Variants in TEX26 observed in about 807,000 individuals in gnomAD.
The protein encoded by TEX26 is testis-expressed protein 26.
TEX26 carries 34 observed loss-of-function variants against 35.3 expected under a neutral mutation model. The ratio of observed to expected loss-of-function variants is 0.96; its 90% CI spans 0.73 to 1.28. TEX26 has a LOEUF of 1.28. Ranked by LOEUF, TEX26 falls within the 50% of genes most tolerant of loss-of-function variation. The pLI is 0.00. For missense variants in TEX26, 371 were observed against 330.1 expected (o/e 1.12, Z -0.96); for synonymous variants, 136 against 111.8 (o/e 1.22, Z -1.36).
intron 3 of TEX26, among the ~76,000 whole-genome samples, chr13:30,954,854 G>T (rs964061663): frequency 2.0e-5 from 3 of 152,060 alleles, no homozygotes; most frequent in African/African-American, 7.3e-5. Context: ...ACAAACACAC[G>T]ACCATATAAT....
At chr13:30,972,118 T>C (rs756213318) in intron 6 of TEX26, among the ~76,000 whole-genome samples, 2 of 152,128 alleles carry the variant, frequency 1.3e-5, no homozygotes, top group African/African-American at 2.4e-5. Flanking sequence ...TCGGGTACAG[T>C]AGCAGTCTGT....
chr13:30,953,023 A>T (rs1036097184), intron 3 of TEX26, among the ~76,000 whole-genome samples, 198 bp downstream of exon 3: 2 of 152,070 alleles, frequency 1.3e-5, no homozygotes, highest in Admixed American at 1.3e-4. Flanking sequence ...AGTTTTTTTT[A>T]AAAAAGGACT....
rs375095153 is a variant in TEX26 at position 30,940,536 on chromosome 13, T to C, written c.146+758T>C. Among the ~76,000 whole-genome samples the C allele has an allele frequency of 6.9e-3, 1,046 of 151,900 alleles. 8 individuals carry two copies. Among genetic ancestry groups the C allele is most frequent in the Non-Finnish European group, 8.3e-3 (567 of 67,924 alleles). Reference sequence around the variant, plus strand: ...TTTTAGTAGAGAGAGGGTTTCACTGTGTTAGCCAGGACGGTCTTGATCTCC... The same window carrying C: ...TTTTAGTAGAGAGAGGGTTTCACTGCGTTAGCCAGGACGGTCTTGATCTCC... On this transcript the variant is annotated intron_variant, in intron 2 of 6. Coordinates refer to ENST00000380473, the MANE Select transcript of TEX26 (RefSeq NM_152325.3).
chr13:30,958,415 C>T (rs1954217479), intron 4 of TEX26, among the ~76,000 whole-genome samples: 1 of 152,194 alleles, frequency 6.6e-6, no homozygotes, highest in African/African-American at 2.4e-5. Flanking sequence ...TGGCTCTAAG[C>T]CCTGTGACAC....
At chr13:30,953,036 T>C (rs1460738287) in intron 3 of TEX26, among the ~76,000 whole-genome samples, 1 of 152,210 alleles carries the variant, frequency 6.6e-6, no homozygotes, top group Non-Finnish European at 1.5e-5. Context: ...AAAGGACTTT[T>C]TAAAAATTGA....
At chr13:30,956,751 C>A (rs1954147056) in intron 3 of TEX26, 122 bp from the exon 4 acceptor site, 1 of 850,380 alleles carries the variant, frequency 1.2e-6, no homozygotes, top group African/African-American at 1.7e-5. Context: ...AGCATCCATG[C>A]ACCTGCAGTG....
intron 2 of TEX26, among the ~76,000 whole-genome samples, chr13:30,945,050 C>T (rs1330986888): frequency 6.6e-6 from 1 of 151,914 alleles, no homozygotes; most frequent in African/African-American, 2.4e-5. Context: ...GTGTTGGAGT[C>T]CCCAACTATT....
intron 4 of TEX26, among the ~76,000 whole-genome samples, chr13:30,964,764 A>G (rs1954469394): frequency 6.6e-6 from 1 of 152,184 alleles, no homozygotes; most frequent in African/African-American, 2.4e-5. Context: ...CCCTGATGGA[A>G]AATGGAAGGA....
At chr13:30,935,047 AC>A (rs112921231) in intron 1 of TEX26, among the ~76,000 whole-genome samples, 2,819 of 152,168 alleles carry the variant, frequency 0.019, 40 homozygotes, top group African/African-American at 0.038. Context: ...TGCAGCCTGC[AC>A]CCTTGGACTC....
intron 6 of TEX26, among the ~76,000 whole-genome samples, chr13:30,974,490 C>G (rs1435398109): frequency 6.6e-6 from 1 of 152,166 alleles, no homozygotes; most frequent in African/African-American, 2.4e-5. Context: ...CGTCTGTGCA[C>G]AGCAAGTCCT....
intron 6 of TEX26, among the ~76,000 whole-genome samples, chr13:30,970,297 T>C (rs986075745): frequency 3.9e-5 from 6 of 152,018 alleles, no homozygotes; most frequent in African/African-American, 1.5e-4. Context: ...ATGCTGGGTT[T>C]CAGGGAGGTA....
At chr13:30,956,166 T>TCCCCCCA (rs1954120413) in intron 3 of TEX26, among the ~76,000 whole-genome samples, 1 of 52,788 alleles carries the variant, frequency 1.9e-5, no homozygotes, top group Non-Finnish European at 3.4e-5. Flanking sequence ...CCCTCCCCCC[T>TCCCCCCA]CCCCCCACCC....
In TEX26 at chr13:30,974,912, G is replaced by A. The variant is rs1156784027; in HGVS notation, c.*5G>A. On this transcript the variant is annotated 3_prime_UTR_variant, in exon 7 of 7. Transcript: ENST00000380473. ...ACTAACAAAAAGAAGAAATGAAAAG[G>A]GAAAATAGTACAAATGAAGAAAATC... The A allele has an allele frequency of 2.6e-6, 4 of 1,541,136 alleles. No individual in the cohort carries two copies. The highest frequency in any genetic ancestry group is 2.0e-5 in the Admixed American group (1 of 50,074).
At chr13:30,962,989 ATT>A (rs540943274) in intron 4 of TEX26, among the ~76,000 whole-genome samples, 1 of 144,418 alleles carries the variant, frequency 6.9e-6, no homozygotes, top group Non-Finnish European at 1.5e-5. Context: ...TGCCCAGCTA[ATT>A]TTTTTTTTTT....
At position 30,955,825 on chromosome 13, in the gene TEX26, C is replaced by T. The variant is rs560938955; in HGVS notation, c.313-1048C>T. On this transcript the variant is annotated intron_variant, in intron 3 of 6. Transcript: ENST00000380473. Reference sequence around the variant, plus strand: ...CTGGGCCTTGCTGAGGGCACCTGCGCGGCTCCCCTCCCGTCACAGCATGTG... The same window carrying T: ...CTGGGCCTTGCTGAGGGCACCTGCGTGGCTCCCCTCCCGTCACAGCATGTG... 3.3e-4 allele frequency among the ~76,000 whole-genome samples: 50 copies of T among 152,142 alleles called. No individual in the cohort carries two copies. The South Asian group carries it at 6.5e-3, about 20-fold the overall frequency.
intron 4 of TEX26, among the ~76,000 whole-genome samples, chr13:30,961,150 G>A (rs1954324219): frequency 6.6e-6 from 1 of 152,190 alleles, no homozygotes; most frequent in Non-Finnish European, 1.5e-5. Context: ...CTGGTGTGCA[G>A]ACTTTCACTG....
chr13:30,937,854 G>A (rs116155019), intron 1 of TEX26, among the ~76,000 whole-genome samples: 2,197 of 152,286 alleles, frequency 0.014, 54 homozygotes, highest in African/African-American at 0.05. Context: ...TTGGAAATGA[G>A]AGTCTGTTAA....
intron 1 of TEX26, chr13:30,933,447 T>G (rs1953149722): frequency 6.6e-6 from 1 of 152,256 alleles, no homozygotes; most frequent in African/African-American, 2.4e-5. Context: ...GTGACGCTAG[T>G]GGCATGATTA....
intron 1 of TEX26, chr13:30,936,761 A>G: frequency 3.0e-6 from 3 of 985,444 alleles, no homozygotes; most frequent in Non-Finnish European, 3.6e-6. Context: ...ATGAGAGAAG[A>G]AAGAATTAGG....
Sources: allele counts gnomAD v4.1 joint callset (sites outside exome capture counted in the v4.1 genomes callset), GRCh38; gene constraint gnomAD v4.1.1; transcripts MANE v1.5; gene names NCBI Gene and HGNC (gene_info 2026-07-23, HGNC 2026-07-21).